The following ATP8A2 variants were observed in gnomAD, a reference collection of about 807,000 sequenced individuals.
ATP8A2 encodes phospholipid-transporting ATPase IB.
ATP8A2 carries 100 observed loss-of-function variants against 165.6 expected under a neutral mutation model. The observed-to-expected ratio is 0.60, with a 90% CI of 0.51 to 0.71. The LOEUF (loss-of-function observed/expected upper bound fraction) is 0.71, where lower values mean the gene tolerates loss of function less well. Among genes scored for constraint, ATP8A2 ranks in the 30% least tolerant of loss-of-function variants. The probability of loss-of-function intolerance (pLI) is 0.00; values close to 1 mark genes in which losing one functional copy is unlikely to be tolerated. For missense variants in ATP8A2, 1,227 were observed against 1,479.5 expected (o/e 0.83, Z 2.80); for synonymous variants, 543 against 548.8 (o/e 0.99, Z 0.15).
chr13:25,601,604 A>G (rs1302078815), intron 24 of ATP8A2, among the ~76,000 whole-genome samples: 3 of 152,160 alleles, frequency 2.0e-5, no homozygotes, highest in African/African-American at 7.2e-5. Flanking sequence ...AGGTGGGACT[A>G]CAGGCGCGCT....
intron 1 of ATP8A2, among the ~76,000 whole-genome samples, chr13:25,389,616 G>A (rs2033173341): frequency 6.6e-6 from 1 of 152,206 alleles, no homozygotes; most frequent in South Asian, 2.1e-4. Context: ...ATTCAACTTT[G>A]GATTGAAGAA....
At chr13:25,684,159 G>A (rs1325123596) in intron 24 of ATP8A2, among the ~76,000 whole-genome samples, 13 of 152,312 alleles carry the variant, frequency 8.5e-5, no homozygotes, top group Admixed American at 1.3e-4. Flanking sequence ...AGTGTGTGAC[G>A]TTGATCTTAT....
At chr13:25,722,586 G>A (rs1363846929) in intron 25 of ATP8A2, among the ~76,000 whole-genome samples, 1 of 152,162 alleles carries the variant, frequency 6.6e-6, no homozygotes, top group Non-Finnish European at 1.5e-5. Flanking sequence ...ATATCATCCA[G>A]AAGGGACTTT....
At chr13:25,485,660 G>C (rs1053525922) in intron 2 of ATP8A2, among the ~76,000 whole-genome samples, 74 of 152,192 alleles carry the variant, frequency 4.9e-4, no homozygotes, top group African/African-American at 1.8e-3. Flanking sequence ...TGTGGCCGAC[G>C]CATAAGTGGC....
chr13:25,478,316 C>T (rs538087328), intron 2 of ATP8A2, among the ~76,000 whole-genome samples: 9 of 152,108 alleles, frequency 5.9e-5, no homozygotes, highest in African/African-American at 1.7e-4. Flanking sequence ...GCTTCTGTGT[C>T]GTTATCCAGA....
chr13:25,888,599 A>T (rs1953247927), intron 33 of ATP8A2, among the ~76,000 whole-genome samples: 1 of 152,192 alleles, frequency 6.6e-6, no homozygotes, highest in South Asian at 2.1e-4. Flanking sequence ...GGTGGCTCAC[A>T]CCTGTAATCC....
At chr13:25,435,958 T>TGTGA (rs1566131517) in intron 1 of ATP8A2, among the ~76,000 whole-genome samples, 27 of 20,488 alleles carry the variant, frequency 1.3e-3, no homozygotes, top group Non-Finnish European at 3.6e-3. Context: ...TGTGAGTGTG[T>TGTGA]GTGTGTGTGT....
chr13:25,727,755 T>G (rs1297697134), intron 25 of ATP8A2, among the ~76,000 whole-genome samples: 1 of 152,236 alleles, frequency 6.6e-6, no homozygotes, highest in Non-Finnish European at 1.5e-5. Flanking sequence ...CTTAAATCCT[T>G]TCATTTCCTC....
rs557116622 is a variant in ATP8A2, at chr13:25,964,347, A to T, written c.3272+2684A>T. On this transcript the variant is annotated intron_variant, in intron 34 of 36. Transcript: ENST00000381655. ...TCACCCCTCTCCTCAAAAACAAGAC[A>T]TTTTTCAGTTTATTGGTGCATTTTC... 1.4e-3 allele frequency among the ~76,000 whole-genome samples: 220 copies of T among 152,288 alleles called. 2 individuals carry two copies. Among genetic ancestry groups the T allele is most frequent in the African/African-American group, 4.9e-3 (202 of 41,568 alleles).
At chr13:25,727,137 T>C (rs1040654179) in intron 25 of ATP8A2, among the ~76,000 whole-genome samples, 9 of 152,218 alleles carry the variant, frequency 5.9e-5, no homozygotes, top group Admixed American at 5.9e-4. Flanking sequence ...GGGTGTGTTT[T>C]TTCTCAGATC....
At chr13:25,463,578 A>G (rs929172096) in intron 1 of ATP8A2, among the ~76,000 whole-genome samples, 2 of 152,142 alleles carry the variant, frequency 1.3e-5, no homozygotes, top group Admixed American at 6.6e-5. Flanking sequence ...TCCCCTGACA[A>G]TGTAAGGTCC....
chr13:25,519,751 T>G (rs2037601549), intron 2 of ATP8A2, among the ~76,000 whole-genome samples: 2 of 152,172 alleles, frequency 1.3e-5, no homozygotes, highest in Non-Finnish European at 2.9e-5. Flanking sequence ...GCACATGCAT[T>G]TCGTCACACG....
intron 24 of ATP8A2, among the ~76,000 whole-genome samples, chr13:25,645,931 A>G (rs1175328723): frequency 6.6e-6 from 1 of 152,196 alleles, no homozygotes; most frequent in Non-Finnish European, 1.5e-5. Context: ...TGTTAAGTCC[A>G]TTAGGTTTAA....
intron 30 of ATP8A2, among the ~76,000 whole-genome samples, chr13:25,854,233 C>G (rs1191238318): frequency 6.6e-6 from 1 of 152,202 alleles, no homozygotes; most frequent in African/African-American, 2.4e-5. Context: ...CCAGTCTTCT[C>G]CATCCCAAAC....
chr13:25,887,279 TA>T (rs1953187569), intron 33 of ATP8A2, among the ~76,000 whole-genome samples: 1 of 152,160 alleles, frequency 6.6e-6, no homozygotes, highest in Non-Finnish European at 1.5e-5. Flanking sequence ...TCTACTTCTA[TA>T]AAAAGTTTAC....
intron 2 of ATP8A2, among the ~76,000 whole-genome samples, chr13:25,494,937 A>G (rs996016215): frequency 3.3e-5 from 5 of 152,172 alleles, no homozygotes; most frequent in African/African-American, 1.2e-4. Flanking sequence ...CCCTTGGGTG[A>G]CAGCTTGCTT....
At chr13:25,896,128 G>T (rs1272706112) in intron 33 of ATP8A2, among the ~76,000 whole-genome samples, 1 of 152,086 alleles carries the variant, frequency 6.6e-6, no homozygotes, top group Non-Finnish European at 1.5e-5. Flanking sequence ...TAATGTTAGG[G>T]TGTCAATTTT....
intron 35 of ATP8A2, among the ~76,000 whole-genome samples, chr13:25,981,887 A>G (rs1424730044): frequency 6.6e-6 from 1 of 152,234 alleles, no homozygotes; most frequent in African/African-American, 2.4e-5. Flanking sequence ...GGAACATAAA[A>G]TGAATAATTT....
chr13:25,660,755 G>T (rs894448565), intron 24 of ATP8A2, among the ~76,000 whole-genome samples: 6 of 152,166 alleles, frequency 3.9e-5, no homozygotes, highest in African/African-American at 1.4e-4. Context: ...AGCAGGGGCT[G>T]TCACAACAAC....
Sources: allele counts gnomAD v4.1 joint callset (sites outside exome capture counted in the v4.1 genomes callset), GRCh38; gene constraint gnomAD v4.1.1; transcripts MANE v1.5; gene names NCBI Gene and HGNC (gene_info 2026-07-23, HGNC 2026-07-21).